NCBP3: variants seen among roughly 807,000 people sequenced by gnomAD.
NCBP3 encodes nuclear cap-binding protein subunit 3.
NCBP3 carries 20 observed loss-of-function variants against 75.7 expected under a neutral mutation model. That is an observed-to-expected ratio of 0.26 (90% CI 0.19 to 0.38). The LOEUF (loss-of-function observed/expected upper bound fraction) is 0.38. Among genes scored for constraint, NCBP3 ranks in the 10% least tolerant of loss-of-function variants. The probability of loss-of-function intolerance (pLI) is 1.00; values close to 1 mark genes in which losing one functional copy is unlikely to be tolerated. For missense variants in NCBP3, 678 were observed against 796.9 expected (o/e 0.85, Z 1.80); for synonymous variants, 293 against 290.5 (o/e 1.01, Z -0.09).
At chr17:3,817,481 T>A (rs1399514434) in intron 10 of NCBP3, among the ~76,000 whole-genome samples, 1 of 152,024 alleles carries the variant, frequency 6.6e-6, no homozygotes, top group African/African-American at 2.4e-5. Flanking sequence ...TACAAAAAAT[T>A]AGCCAGGAGT....
chr17:3,813,006 G>T lies in NCBP3; in HGVS notation c.*38C>A. On this transcript the variant is annotated 3_prime_UTR_variant, in exon 13 of 13. Coordinates refer to ENST00000389005, the MANE Select transcript of NCBP3 (RefSeq NM_001114118.3). ...TGCGCGCCCCACCCTGTGCAAGAAT[G>T]TCAGGCTTTAGGGCAGCTGCCATAG... 2 of 1,612,494 alleles carry T rather than the reference G, an allele frequency of 1.2e-6. No homozygotes were observed. The highest frequency in any genetic ancestry group is 1.7e-6 in the Non-Finnish European group (2 of 1,179,136).
At chr17:3,822,136 C>A in intron 7 of NCBP3, 84 bp from the exon 8 acceptor site, 1 of 934,452 alleles carries the variant, frequency 1.1e-6, no homozygotes. Flanking sequence ...TTTTCCATAG[C>A]TGGAATCAGA....
rs2053375394 is a variant in NCBP3, at chr17:3,809,474, G to A, written c.*3570C>T. On this transcript the variant is annotated 3_prime_UTR_variant, in exon 13 of 13. Coordinates refer to ENST00000389005, the MANE Select transcript of NCBP3 (RefSeq NM_001114118.3). ...TAATCCCAGAACTTTGGGAGGAAGA[G>A]GTGGGCAGATCACCTGAGGTCAGGA... The A allele has an allele frequency of 6.6e-6, 1 of 152,276 alleles. No homozygotes were observed. Among genetic ancestry groups the A allele is most frequent in the South Asian group, 2.1e-4 (1 of 4,832 alleles). 9.4% of individuals were successfully genotyped at this position (152,276 alleles called of 1,614,324 possible).
chr17:3,840,216 C>T lies in NCBP3; in HGVS notation c.250-11G>A, dbSNP rs1160866059. On this transcript the variant is annotated splice_polypyrimidine_tract_variant and intron_variant, in intron 2 of 12. Coordinates refer to ENST00000389005, the MANE Select transcript of NCBP3 (RefSeq NM_001114118.3). ...CTTTTCAATTGCTTCCTAGAAAGTA[C>T]AGAAAAAGTGAAAGTAGTAAAATAT... 3 of 1,549,744 alleles carry T rather than the reference C, an allele frequency of 1.9e-6. No homozygotes were observed. The highest frequency in any genetic ancestry group is 4.9e-5 in the East Asian group (2 of 40,892).
At chr17:3,842,991 TAAAAG>T (rs2054093337) in intron 2 of NCBP3, 90 bp downstream of exon 2, 1 of 1,081,434 alleles carries the variant, frequency 9.2e-7, no homozygotes, top group Non-Finnish European at 1.3e-6. Flanking sequence ...AGCAACAAAA[TAAAAG>T]AGGAAATATT....
chr17:3,837,147 C>CA (rs536780528), intron 3 of NCBP3, among the ~76,000 whole-genome samples: 30 of 134,120 alleles, frequency 2.2e-4, no homozygotes, highest in East Asian at 4.4e-4. Context: ...GACTCCTTCT[C>CA]AAAAAAAAAA....
At chr17:3,816,736 T>G (rs1436354945) in intron 10 of NCBP3, among the ~76,000 whole-genome samples, 1 of 152,208 alleles carries the variant, frequency 6.6e-6, no homozygotes, top group Non-Finnish European at 1.5e-5. Context: ...CAGAAAGCTC[T>G]CTGAAAACCA....
At chr17:3,822,078 T>G (rs1034038598) in intron 7 of NCBP3, 26 bp from the exon 8 acceptor site, 2 of 1,440,706 alleles carry the variant, frequency 1.4e-6, no homozygotes, top group Non-Finnish European at 1.9e-6. Flanking sequence ...AATAGTTACC[T>G]AGGATTTCCT....
chr17:3,824,623 T>C (rs956619028), intron 7 of NCBP3: 2 of 193,408 alleles, frequency 1.0e-5, no homozygotes, highest in Admixed American at 1.2e-4. Flanking sequence ...CAGGAGGACG[T>C]TGCTGTAATA....
chr17:3,844,939 A>G (rs1198292178), intron 1 of NCBP3, among the ~76,000 whole-genome samples: 1 of 152,240 alleles, frequency 6.6e-6, no homozygotes, highest in African/African-American at 2.4e-5. Context: ...GTCTCAAAAC[A>G]AAACAAAACA....
intron 1 of NCBP3, among the ~76,000 whole-genome samples, chr17:3,845,320 G>C (rs1267230615): frequency 2.0e-5 from 3 of 152,126 alleles, no homozygotes; most frequent in African/African-American, 7.2e-5. Context: ...GAAATTAAGA[G>C]GAGTCATCCA....
intron 2 of NCBP3, among the ~76,000 whole-genome samples, chr17:3,841,876 ATTTTTATTTTTGCT>A (rs1440243202): frequency 6.6e-6 from 1 of 151,436 alleles, no homozygotes; most frequent in Admixed American, 6.6e-5. Flanking sequence ...CACGAAATAT[ATTTTTATTTTTGCT>A]TTTATGTATT....
At chr17:3,834,430 A>G (rs2053940150) in intron 3 of NCBP3, among the ~76,000 whole-genome samples, 1 of 152,220 alleles carries the variant, frequency 6.6e-6, no homozygotes, top group South Asian at 2.1e-4. Flanking sequence ...ACTGTTTGTA[A>G]AAGAGCTAAT....
intron 9 of NCBP3, among the ~76,000 whole-genome samples, chr17:3,819,731 C>T (rs906363004): frequency 1.3e-5 from 2 of 151,814 alleles, no homozygotes; most frequent in Non-Finnish European, 1.5e-5. Flanking sequence ...ATACAATAAA[C>T]GAAAGAAGTA....
chr17:3,825,867 G>C (rs1311224195), intron 5 of NCBP3, 24 bp from the exon 6 acceptor site: 5 of 1,517,372 alleles, frequency 3.3e-6, no homozygotes, highest in Admixed American at 2.0e-5. Context: ...TGAAGGACAA[G>C]ATGAAACAAG....
chr17:3,844,719 A>T (rs115000837), intron 1 of NCBP3, among the ~76,000 whole-genome samples: 1 of 152,140 alleles, frequency 6.6e-6, no homozygotes, highest in Non-Finnish European at 1.5e-5. Context: ...GCACGGTGGC[A>T]CATCCCTGTA....
intron 10 of NCBP3, among the ~76,000 whole-genome samples, chr17:3,816,539 C>G (rs1356590043): frequency 6.6e-6 from 1 of 152,222 alleles, no homozygotes; most frequent in South Asian, 2.1e-4. Flanking sequence ...ACAAGTCCCC[C>G]TTTTCTGGGA....
rs1044668260 is a variant in NCBP3, at chr17:3,811,649, C to A, written c.*1395G>T. ...CATTAGCTCCGCCACAAGTAAAGAT[C>A]GACAGGATCCAGGCTGCACTGTGTG... On this transcript the variant is annotated 3_prime_UTR_variant, in exon 13 of 13. Coordinates refer to ENST00000389005, the MANE Select transcript of NCBP3 (RefSeq NM_001114118.3). 1 of 152,196 alleles carries A rather than the reference C, an allele frequency of 6.6e-6. No homozygotes were observed. Among genetic ancestry groups the A allele is most frequent in the African/African-American group, 2.4e-5 (1 of 41,448 alleles). The allele number at this position is 152,196 out of a possible 1,614,324, so 9.4% of individuals were successfully genotyped here.
intron 8 of NCBP3, 72 bp downstream of exon 8, chr17:3,821,881 T>G: frequency 1.0e-6 from 1 of 976,576 alleles, no homozygotes; most frequent in South Asian, 1.4e-5. Flanking sequence ...GTTTAGACAT[T>G]TCACCACGGA....
Sources: allele counts gnomAD v4.1 joint callset (sites outside exome capture counted in the v4.1 genomes callset), GRCh38; gene constraint gnomAD v4.1.1; transcripts MANE v1.5; gene names NCBI Gene and HGNC (gene_info 2026-07-23, HGNC 2026-07-21).